DNER: variants seen among roughly 807,000 people sequenced by gnomAD.
The protein encoded by DNER is delta/notch like EGF repeat containing.
Under a neutral mutation model 78.2 loss-of-function variants are expected in DNER, and 33 were observed. That is an observed-to-expected ratio of 0.42 (90% CI 0.32 to 0.56). The LOEUF is 0.56. Among genes scored for constraint, DNER ranks in the 20% least tolerant of loss-of-function variants. DNER has a pLI of 0.11. For missense variants in DNER, 918 were observed against 975.3 expected, an observed-to-expected ratio of 0.94 and a Z score of 0.78; for synonymous variants, 417 against 384.8, an observed-to-expected ratio of 1.08 and a Z score of -0.98.
intron 1 of DNER, among the ~76,000 whole-genome samples, chr2:229,594,443 C>T (rs758455399): frequency 2.6e-5 from 4 of 152,032 alleles, no homozygotes; most frequent in Admixed American, 2.0e-4. Flanking sequence ...AAAAATTAGT[C>T]GGGCATGGTG....
At chr2:229,406,797 C>T (rs539252227) in intron 10 of DNER, among the ~76,000 whole-genome samples, 1 of 148,504 alleles carries the variant, frequency 6.7e-6, no homozygotes, top group East Asian at 2.0e-4. Context: ...GCCAATCTCG[C>T]CTCCCATCCC....
chr2:229,513,025 T>C (rs893781204), intron 5 of DNER, 89 bp from the exon 6 acceptor site: 1 of 1,381,470 alleles, frequency 7.2e-7, no homozygotes, highest in Admixed American at 2.5e-5. Context: ...AAAGAACCAC[T>C]TCCTTTTTAT....
chr2:229,635,287 T>C (rs1698508758), intron 1 of DNER, among the ~76,000 whole-genome samples: 1 of 146,644 alleles, frequency 6.8e-6, no homozygotes, highest in African/African-American at 2.5e-5. Flanking sequence ...GGGTCAGCTC[T>C]GACTGGTCAA....
At chr2:229,640,198 C>T (rs1219078179) in intron 1 of DNER, among the ~76,000 whole-genome samples, 1 of 152,212 alleles carries the variant, frequency 6.6e-6, no homozygotes, top group Non-Finnish European at 1.5e-5. Flanking sequence ...CCCAAGTGTG[C>T]TTTCGTGAAG....
chr2:229,591,464 G>C lies in DNER; in HGVS notation c.585+116C>G, dbSNP rs1000391527. 74 of 1,252,622 alleles carry C rather than the reference G, an allele frequency of 5.9e-5. No homozygotes were observed. The highest frequency in any genetic ancestry group is 7.6e-5 in the Non-Finnish European group (70 of 922,498). 77.6% of individuals were successfully genotyped at this position (1,252,622 alleles called of 1,614,324 possible). On this transcript the variant is annotated intron_variant, in intron 2 of 12. Transcript: ENST00000341772. The surrounding 1 kb of genome is among the most constrained non-coding windows in gnomAD (Gnocchi z 4.6). ...AGGAATAAGTTTAGGGAGATATTTT[G>C]CTTCGTGATTTAACTTAAAATGCTT... is the stretch of plus-strand genomic sequence containing the variant.
intron 5 of DNER, among the ~76,000 whole-genome samples, chr2:229,544,293 T>A (rs1182691945): frequency 1.3e-5 from 2 of 152,150 alleles, no homozygotes; most frequent in Non-Finnish European, 2.9e-5. Flanking sequence ...CTTGGCCTCC[T>A]GGAAGGAGCC....
chr2:229,457,146 T>C (rs1694592815), intron 7 of DNER, among the ~76,000 whole-genome samples: 1 of 152,048 alleles, frequency 6.6e-6, no homozygotes. Flanking sequence ...CCAGCAGATC[T>C]AGCCACACTA....
intron 4 of DNER, among the ~76,000 whole-genome samples, chr2:229,561,184 C>T (rs1696953514): frequency 6.6e-6 from 1 of 152,074 alleles, no homozygotes; most frequent in African/African-American, 2.4e-5. Flanking sequence ...AAATGCTTTC[C>T]AAATTAGAAG....
At chr2:229,699,687 A>C (rs906502525) in intron 1 of DNER, among the ~76,000 whole-genome samples, 3 of 152,208 alleles carry the variant, frequency 2.0e-5, no homozygotes, top group Admixed American at 2.0e-4. Flanking sequence ...TTCTAAAGAA[A>C]TAATAGAATC....
At chr2:229,681,802 T>C (rs1023359751) in intron 1 of DNER, among the ~76,000 whole-genome samples, 8 of 149,144 alleles carry the variant, frequency 5.4e-5, no homozygotes, top group African/African-American at 2.0e-4. Context: ...TTTAATAGGT[T>C]AAGGAATTGT....
chr2:229,705,659 C>G (rs1271202666), intron 1 of DNER, among the ~76,000 whole-genome samples: 1 of 152,180 alleles, frequency 6.6e-6, no homozygotes, highest in Non-Finnish European at 1.5e-5. Context: ...ACTCTGTCAC[C>G]AAGCTATAGG....
At chr2:229,611,039 G>T (rs77854850) in intron 1 of DNER, among the ~76,000 whole-genome samples, 2,412 of 152,262 alleles carry the variant, frequency 0.016, 130 homozygotes, top group East Asian at 0.13. Flanking sequence ...CCAAAGCTGG[G>T]TTTTTCAGCA....
intron 7 of DNER, among the ~76,000 whole-genome samples, chr2:229,453,063 C>A (rs1382716522): frequency 6.6e-6 from 1 of 152,104 alleles, no homozygotes; most frequent in African/African-American, 2.4e-5. Context: ...ATTTAAACAC[C>A]ATCTCAGCCC....
chr2:229,623,644 C>T (rs979502527), intron 1 of DNER, among the ~76,000 whole-genome samples: 10 of 152,226 alleles, frequency 6.6e-5, no homozygotes, highest in Non-Finnish European at 1.5e-5. Context: ...TCCTTGATCG[C>T]TACTGCAGAC....
At chr2:229,612,915 T>C (rs1698075514) in intron 1 of DNER, among the ~76,000 whole-genome samples, 1 of 152,208 alleles carries the variant, frequency 6.6e-6, no homozygotes, top group Non-Finnish European at 1.5e-5. Flanking sequence ...TATTCCAATA[T>C]ACAAAACTAT....
chr2:229,452,414 T>C (rs2106364250), intron 7 of DNER, among the ~76,000 whole-genome samples: 1 of 152,118 alleles, frequency 6.6e-6, no homozygotes, highest in African/African-American at 2.4e-5. Flanking sequence ...CGGTAGATAA[T>C]GTTGATACAG....
chr2:229,391,902 A>C (rs1457400518), intron 10 of DNER, among the ~76,000 whole-genome samples: 1 of 152,150 alleles, frequency 6.6e-6, no homozygotes, highest in Non-Finnish European at 1.5e-5. Context: ...TGGGTATCAC[A>C]TTTGGTAGTA....
intron 8 of DNER, 55 bp from the exon 9 acceptor site, chr2:229,418,285 C>T (rs1018273375): frequency 3.1e-5 from 50 of 1,608,440 alleles, no homozygotes; most frequent in Middle Eastern, 2.0e-4. Context: ...ACAACCCACG[C>T]GGGACCAGCC....
In DNER at chr2:229,680,762, A is replaced by C. The variant is rs1415349239; in HGVS notation, c.276+33386T>G. ...TACAGGTTACCTTTCTCAGCAATGT[A>C]ATTTCTCCTAAAAGTAATGATCACA... On this transcript the variant is annotated intron_variant, in intron 1 of 12. Transcript: ENST00000341772. Among the ~76,000 whole-genome samples, 5 of 152,256 alleles carry C rather than the reference A, an allele frequency of 3.3e-5. No homozygotes were observed. The East Asian group carries it at 7.7e-4, about 23-fold the overall frequency.
Sources: allele counts gnomAD v4.1 joint callset (sites outside exome capture counted in the v4.1 genomes callset), GRCh38; gene constraint gnomAD v4.1.1; non-coding constraint Gnocchi (gnomAD v3.1); transcripts MANE v1.5; gene names NCBI Gene and HGNC (gene_info 2026-07-23, HGNC 2026-07-21).